DPP6: variants seen among roughly 807,000 people sequenced by gnomAD.
DPP6 encodes dipeptidyl peptidase like 6, also known as A-type potassium channel modulatory protein DPP6.
A neutral mutation model predicts 122.6 loss-of-function variants in DPP6; 69 were observed. That is an observed-to-expected ratio of 0.56 (90% CI 0.46 to 0.69). The LOEUF (loss-of-function observed/expected upper bound fraction) is 0.69, where lower values mean the gene tolerates loss of function less well. Ranked by LOEUF, DPP6 falls within the 30% of genes least tolerant of loss-of-function variation. DPP6 has a pLI of 0.00. For missense variants in DPP6, 928 were observed against 1,116.9 expected (o/e 0.83, Z 2.41); for synonymous variants, 418 against 433.1 (o/e 0.97, Z 0.43).
At chr7:154,677,480 G>T (rs533083665) in intron 7 of DPP6, among the ~76,000 whole-genome samples, 46 of 152,336 alleles carry the variant, frequency 3.0e-4, no homozygotes, top group African/African-American at 1.1e-3. Context: ...CATTAAAATT[G>T]TAAAAATCCA....
chr7:154,298,322 C>T (rs7787841), intron 1 of DPP6, among the ~76,000 whole-genome samples: 33,295 of 151,190 alleles, frequency 0.22, 3,732 homozygotes, highest in African/African-American at 0.27. Flanking sequence ...ACCCCTGCTG[C>T]GTGTGCAGCC....
At chr7:154,594,886 A>G (rs1375865913) in intron 5 of DPP6, among the ~76,000 whole-genome samples, 1 of 152,176 alleles carries the variant, frequency 6.6e-6, no homozygotes, top group Non-Finnish European at 1.5e-5. Flanking sequence ...GCATGAACAG[A>G]GACACAATGC....
At chr7:153,783,178 G>C in the DPP6 span, among the ~76,000 whole-genome samples, 10 of 152,246 alleles carry the variant, frequency 6.6e-5, 1 homozygote, top group South Asian at 2.1e-3. Flanking sequence ...GTGTGTATTA[G>C]TCTGTTCTCA....
intron 1 of DPP6, among the ~76,000 whole-genome samples, chr7:154,159,308 C>T (rs1249217387): frequency 1.3e-5 from 2 of 152,182 alleles, no homozygotes; most frequent in Admixed American, 1.3e-4. Flanking sequence ...GTTCTCCCAC[C>T]CATGGTCTGT....
rs187108870 is a variant in DPP6, at chr7:154,304,322, G to A, written c.244-141892G>A. 1.3e-4 allele frequency among the ~76,000 whole-genome samples: 20 copies of A among 152,348 alleles called. 1 individual carries two copies. In the East Asian group the frequency reaches 3.3e-3, roughly 25 times the overall value. On this transcript the variant is annotated intron_variant, in intron 1 of 25. Coordinates refer to ENST00000377770, the MANE Select transcript of DPP6 (RefSeq NM_130797.4). The stretch of plus-strand genomic sequence containing the variant: ...AGATACTCCCACCTGCAAATGACTG[G>A]CTGATTGCACTTTCCTTAGAGTTTG...
intron 1 of DPP6, among the ~76,000 whole-genome samples, chr7:154,099,252 C>T (rs1454352410): frequency 6.6e-6 from 1 of 152,170 alleles, no homozygotes; most frequent in African/African-American, 2.4e-5. Flanking sequence ...TCCTAATAAT[C>T]CAGTCATTCA....
chr7:154,336,433 A>G (rs1809430234), intron 1 of DPP6, among the ~76,000 whole-genome samples: 1 of 152,138 alleles, frequency 6.6e-6, no homozygotes, highest in South Asian at 2.1e-4. Flanking sequence ...TGCCGTGGCC[A>G]CTGGGCAGGC....
intron 1 of DPP6, among the ~76,000 whole-genome samples, chr7:154,060,679 C>A (rs1426645335): frequency 1.2e-3 from 182 of 146,446 alleles, no homozygotes; most frequent in African/African-American, 3.8e-3. Flanking sequence ...GAGAGCTATC[C>A]CCTCTTCCGC....
chr7:153,870,915 C>T, the DPP6 span, among the ~76,000 whole-genome samples: 3 of 152,236 alleles, frequency 2.0e-5, no homozygotes, highest in African/African-American at 7.2e-5. Context: ...TAGAGGTCCA[C>T]TCCAGACCTT....
chr7:154,668,032 A>G (rs566887681), intron 6 of DPP6, among the ~76,000 whole-genome samples: 11 of 149,772 alleles, frequency 7.3e-5, no homozygotes, highest in East Asian at 2.0e-4. Flanking sequence ...TGTATTTTCT[A>G]TTGATTCCAG....
At chr7:154,153,941 CT>C (rs1796554708) in intron 1 of DPP6, among the ~76,000 whole-genome samples, 1 of 152,168 alleles carries the variant, frequency 6.6e-6, no homozygotes, top group South Asian at 2.1e-4. Flanking sequence ...CCAACAGTAT[CT>C]TTGGTTAGAG....
intron 1 of DPP6, among the ~76,000 whole-genome samples, chr7:154,353,382 C>G (rs1346630130): frequency 2.0e-5 from 3 of 152,022 alleles, no homozygotes; most frequent in African/African-American, 7.3e-5. Context: ...CCCAGTATAG[C>G]GAGAACCAGA....
At chr7:154,510,945 C>T (rs1370570038) in intron 3 of DPP6, among the ~76,000 whole-genome samples, 1 of 51,478 alleles carries the variant, frequency 1.9e-5, no homozygotes, top group African/African-American at 6.8e-5. Context: ...TGCACACACA[C>T]ACACACACAC....
intron 1 of DPP6, among the ~76,000 whole-genome samples, chr7:154,364,268 T>TG (rs1811972989): frequency 6.6e-6 from 1 of 152,170 alleles, no homozygotes; most frequent in South Asian, 2.1e-4. Context: ...CTCACATGGA[T>TG]GATGTCACCA....
rs561610953 is a variant in DPP6 at position 154,669,472 on chromosome 7, G to T, written c.762+31G>T. Reference sequence around the variant, plus strand: ...CCAATCAAGTTCAGTAACTATACTTGGGTTTTGAGGAAGTTTCTGTTTTCT... The same window carrying T: ...CCAATCAAGTTCAGTAACTATACTTTGGTTTTGAGGAAGTTTCTGTTTTCT... On this transcript the variant is annotated intron_variant, in intron 7 of 25. Coordinates refer to ENST00000377770, the MANE Select transcript of DPP6 (RefSeq NM_130797.4). The T allele has an allele frequency of 1.4e-5, 21 of 1,547,274 alleles. No individual in the cohort carries two copies. The Admixed American group carries it at 3.6e-4, about 27-fold the overall frequency.
intron 7 of DPP6, among the ~76,000 whole-genome samples, chr7:154,677,650 C>G (rs546000160): frequency 2.0e-5 from 3 of 152,196 alleles, no homozygotes; most frequent in African/African-American, 7.2e-5. Flanking sequence ...GGCGTCTGCA[C>G]GGGGAGGAGC....
intron 5 of DPP6, among the ~76,000 whole-genome samples, chr7:154,597,738 G>C (rs1418856103): frequency 6.6e-6 from 1 of 152,186 alleles, no homozygotes; most frequent in Non-Finnish European, 1.5e-5. Context: ...AGAGATCGAG[G>C]TGTCTGCAGG....
intron 1 of DPP6, among the ~76,000 whole-genome samples, chr7:154,344,029 T>G (rs992864333): frequency 6.6e-6 from 1 of 152,036 alleles, no homozygotes; most frequent in African/African-American, 2.4e-5. Flanking sequence ...TGCTTCACTT[T>G]TCTACTCTAA....
intron 1 of DPP6, among the ~76,000 whole-genome samples, chr7:154,064,180 G>A (rs565735054): frequency 1.3e-5 from 2 of 152,200 alleles, no homozygotes; most frequent in East Asian, 1.9e-4. Flanking sequence ...CCCGCTCCCC[G>A]TTCAGGCTGA....
Sources: gnomAD v4.1 joint callset for allele counts (sites outside exome capture counted in the v4.1 genomes callset) on GRCh38, gnomAD v4.1.1 for gene constraint, MANE v1.5 for transcripts, NCBI Gene and HGNC (gene_info 2026-07-23, HGNC 2026-07-21) for gene names.